The following KAZN variants were observed in gnomAD, a reference collection of about 807,000 sequenced individuals.
KAZN encodes the protein kazrin.
In KAZN, 40 loss-of-function variants were observed where a neutral mutation model predicts 87.4. That is an observed-to-expected ratio of 0.46 (90% CI 0.36 to 0.60). KAZN has a LOEUF of 0.60. Ranked by LOEUF, KAZN falls within the 20% of genes least tolerant of loss-of-function variation. The probability of loss-of-function intolerance (pLI) is 0.00; values close to 1 mark genes in which losing one functional copy is unlikely to be tolerated. For missense variants in KAZN, 898 were observed against 1,073.9 expected, an observed-to-expected ratio of 0.84 and a Z score of 2.29; for synonymous variants, 466 against 458.3, an observed-to-expected ratio of 1.02 and a Z score of -0.22.
chr1:14,840,260 T>C (rs112777611), intron 1 of KAZN, among the ~76,000 whole-genome samples: 2,032 of 152,266 alleles, frequency 0.013, 20 homozygotes, highest in Middle Eastern at 0.034. Context: ...ATTAGATTGC[T>C]GGGCGCTGGA....
At chr1:14,512,223 T>A (rs1670944078) in intron 2 of KAZN, among the ~76,000 whole-genome samples, 1 of 152,144 alleles carries the variant, frequency 6.6e-6, no homozygotes, top group South Asian at 2.1e-4. Context: ...TGTGGCCGCA[T>A]GTTAATTTGG....
chr1:14,675,745 A>G (rs1276132257), intron 1 of KAZN, among the ~76,000 whole-genome samples: 1 of 152,204 alleles, frequency 6.6e-6, no homozygotes, highest in Non-Finnish European at 1.5e-5. Flanking sequence ...GTGGATGTTA[A>G]GTAAAAGTAC....
At chr1:13,911,138 T>C (rs563659739) in intron 1 of KAZN, among the ~76,000 whole-genome samples, 1 of 152,230 alleles carries the variant, frequency 6.6e-6, no homozygotes, top group African/African-American at 2.4e-5. Flanking sequence ...AACCTCCACC[T>C]CCCGGGTTCA....
At chr1:14,952,898 A>G (rs895143706) in intron 1 of KAZN, among the ~76,000 whole-genome samples, 2 of 152,130 alleles carry the variant, frequency 1.3e-5, no homozygotes, top group African/African-American at 4.8e-5. Context: ...CACTGAGATG[A>G]TTGCTTTGTT....
At chr1:14,004,687 T>C (rs993097113) in intron 1 of KAZN, among the ~76,000 whole-genome samples, 10 of 112,778 alleles carry the variant, frequency 8.9e-5, no homozygotes, top group Admixed American at 2.2e-4. Flanking sequence ...CCTTTATGAT[T>C]TGTGCACTTT....
intron 1 of KAZN, among the ~76,000 whole-genome samples, chr1:13,925,746 C>T (rs918283507): frequency 1.2e-4 from 19 of 152,212 alleles, no homozygotes; most frequent in South Asian, 4.1e-4. Flanking sequence ...CTCTGGCCAG[C>T]GGTTGAAAAT....
chr1:14,701,202 G>A (rs1641901629), intron 1 of KAZN, among the ~76,000 whole-genome samples: 1 of 152,146 alleles, frequency 6.6e-6, no homozygotes, highest in African/African-American at 2.4e-5. Context: ...CTGCACTTAA[G>A]CCCAACCTCC....
At chr1:14,370,269 G>A (rs1660369783) in intron 2 of KAZN, among the ~76,000 whole-genome samples, 1 of 152,222 alleles carries the variant, frequency 6.6e-6, no homozygotes, top group African/African-American at 2.4e-5. Context: ...GACTGGTCCT[G>A]GGTAGGGTGG....
At chr1:14,045,843 A>G (rs527827171) in intron 1 of KAZN, among the ~76,000 whole-genome samples, 1 of 152,204 alleles carries the variant, frequency 6.6e-6, no homozygotes, top group Admixed American at 6.5e-5. Context: ...ACATTCCACA[A>G]TGGATAACCA....
chr1:15,092,141 A>G (rs1404998049), intron 8 of KAZN, among the ~76,000 whole-genome samples: 1 of 146,144 alleles, frequency 6.8e-6, no homozygotes, highest in Non-Finnish European at 1.5e-5. Flanking sequence ...CAATGGCGCA[A>G]TCTCGGCTCA....
chr1:15,065,832 G>C, intron 8 of KAZN, 79 bp downstream of exon 8: 1 of 1,583,752 alleles, frequency 6.3e-7, no homozygotes, highest in Non-Finnish European at 8.6e-7. Context: ...CCGCAGGCGT[G>C]TCTGTGCGTG....
intron 2 of KAZN, among the ~76,000 whole-genome samples, chr1:14,262,927 C>T (rs1046968508): frequency 1.3e-5 from 2 of 152,162 alleles, no homozygotes; most frequent in Non-Finnish European, 2.9e-5. Context: ...TCTCCACAAC[C>T]TCTGTATAAC....
chr1:14,529,894 G>C (rs1261763536), intron 2 of KAZN, among the ~76,000 whole-genome samples: 1 of 152,198 alleles, frequency 6.6e-6, no homozygotes, highest in African/African-American at 2.4e-5. Context: ...GCTGCTTATG[G>C]AGCCACATGC....
intron 2 of KAZN, among the ~76,000 whole-genome samples, chr1:14,182,219 G>A (rs1046072936): frequency 6.6e-6 from 1 of 152,090 alleles, no homozygotes; most frequent in Non-Finnish European, 1.5e-5. Context: ...CCTTTAAATG[G>A]CCAGATAAAA....
intron 1 of KAZN, among the ~76,000 whole-genome samples, chr1:14,139,953 GTGTGTGTGTGTGTGTGGTATGTA>G (rs1557508089): frequency 8.6e-6 from 1 of 115,660 alleles, no homozygotes; most frequent in Non-Finnish European, 1.8e-5. Flanking sequence ...GTGTGTGTGT[GTGTGTGTGTGTGTGTGGTATGTA>G]TGTGTGTGTG....
intron 1 of KAZN, among the ~76,000 whole-genome samples, chr1:14,086,476 G>A (rs1196340948): frequency 6.6e-6 from 1 of 152,014 alleles, no homozygotes; most frequent in East Asian, 1.9e-4. Context: ...CCAGTCTATG[G>A]TTTGCCTTTT....
chr1:14,075,384 A>G (rs964854436), intron 1 of KAZN, among the ~76,000 whole-genome samples: 1 of 152,110 alleles, frequency 6.6e-6, no homozygotes, highest in African/African-American at 2.4e-5. Context: ...TCTCCTGTGG[A>G]TCACCTTTGT....
chr1:14,838,257 A>C (rs1215572031), intron 1 of KAZN, among the ~76,000 whole-genome samples: 1 of 152,204 alleles, frequency 6.6e-6, no homozygotes, highest in Non-Finnish European at 1.5e-5. Context: ...AGCCCTCATG[A>C]CCTAATCACT....
At chr1:14,969,106 G>C (rs946802276) in intron 2 of KAZN, among the ~76,000 whole-genome samples, 1 of 152,240 alleles carries the variant, frequency 6.6e-6, no homozygotes, top group African/African-American at 2.4e-5. Flanking sequence ...TGCCTTTGCA[G>C]ATGTCACCAG....
Sources: allele counts gnomAD v4.1 joint callset (sites outside exome capture counted in the v4.1 genomes callset), GRCh38; gene constraint gnomAD v4.1.1; transcripts MANE v1.5; gene names NCBI Gene and HGNC (gene_info 2026-07-23, HGNC 2026-07-21).